NRIP3: variants seen among roughly 807,000 people sequenced by gnomAD.
NRIP3 encodes the protein nuclear receptor interacting protein 3, also known as nuclear receptor-interacting protein 3.
A neutral mutation model predicts 29.0 loss-of-function variants in NRIP3; 31 were observed. The observed-to-expected ratio is 1.07, with a 90% CI of 0.80 to 1.44. The LOEUF (loss-of-function observed/expected upper bound fraction) is 1.44, where lower values mean the gene tolerates loss of function less well. Ranked by LOEUF, NRIP3 falls within the 40% of genes most tolerant of loss-of-function variation. The pLI is 0.00. For synonymous variants in NRIP3, 131 were observed against 118.3 expected (o/e 1.11, Z -0.70); for missense variants, 314 against 297.9 (o/e 1.05, Z -0.40).
At position 8,987,531 on chromosome 11, in the gene NRIP3, C is replaced by T. The variant is rs1255445604; in HGVS notation, c.422+17G>A. On this transcript the variant is annotated intron_variant, in intron 3 of 6. Transcript: ENST00000309166. ...ACAGTCACATCTAAGTTCCACTCAGCACAAGTGCCTACTTACCCCAATCTG... is the reference window on the plus strand; with the variant it reads ...ACAGTCACATCTAAGTTCCACTCAGTACAAGTGCCTACTTACCCCAATCTG... The T allele has an allele frequency of 3.8e-6, 6 of 1,586,978 alleles. No individual in the cohort carries two copies. In the African/African-American group the frequency reaches 6.7e-5, roughly 18 times the overall value.
At chr11:8,984,414 C>T (rs1295448723) in intron 4 of NRIP3, among the ~76,000 whole-genome samples, 1 of 152,134 alleles carries the variant, frequency 6.6e-6, no homozygotes, top group Non-Finnish European at 1.5e-5. Flanking sequence ...CAGCACCCAC[C>T]ACCACGCTTG....
Position 8,982,893 on chromosome 11 carries a change from A to G in NRIP3, c.*652T>C, listed in dbSNP as rs1185796462. On this transcript the variant is annotated 3_prime_UTR_variant, in exon 7 of 7. Coordinates refer to ENST00000309166, the MANE Select transcript of NRIP3 (RefSeq NM_020645.3). ...CCTCCTGTTAAAGGCTTGAATACAA[A>G]TGAGGCAGCATGGGAGTCTTGGCTT... 6.7e-6 allele frequency: 3 copies of G among 450,264 alleles called. No homozygotes were observed. The highest frequency in any genetic ancestry group is 6.5e-4 in the Middle Eastern group (2 of 3,060). 27.9% of individuals were successfully genotyped at this position (450,264 alleles called of 1,614,324 possible).
At position 8,987,550 on chromosome 11, in the gene NRIP3, C is replaced by T; in HGVS notation, c.420G>A (p.Leu140=). 1 of 1,612,424 alleles carries T rather than the reference C, an allele frequency of 6.2e-7. No homozygotes were observed. Among genetic ancestry groups the T allele is most frequent in the Non-Finnish European group, 8.5e-7 (1 of 1,178,480 alleles). ...ACTCAGCACAAGTGCCTACTTACCCCAATCTGTCCACACAGGCCAAAGAGA... is the reference window on the plus strand; with the variant it reads ...ACTCAGCACAAGTGCCTACTTACCCTAATCTGTCCACACAGGCCAAAGAGA... ...NLISLACVDR[L]GLKEHVKSHK... is the part of the protein sequence containing the mutation. Residue 140 remains leucine, a splice_region_variant and synonymous_variant, in exon 3 of 7, where the codon TTG becomes TTA. Transcript: ENST00000309166.
chr11:9,004,267 C>A (rs1251192030), upstream of NRIP3: 3 of 197,184 alleles, frequency 1.5e-5, no homozygotes, highest in Non-Finnish European at 3.1e-5. Context: ...GGCCCCGCAT[C>A]CCCTGGACTG....
chr11:8,989,268 A>T (rs1295776898), intron 1 of NRIP3, among the ~76,000 whole-genome samples: 3 of 152,244 alleles, frequency 2.0e-5, no homozygotes, highest in Non-Finnish European at 4.4e-5. Flanking sequence ...TTGACTGGAG[A>T]AATTTGTATA....
rs1854406803 is a variant in NRIP3 at position 8,981,073 on chromosome 11, C to T, written c.*2472G>A. On this transcript the variant is annotated 3_prime_UTR_variant, in exon 7 of 7. Transcript: ENST00000309166. ...TAGGACTCCTGGGAAAAACTGACCT[C>T]ACCTTCTTACCTTCTCAGCCCCCAA... 6.6e-6 allele frequency: 1 copy of T among 152,222 alleles called. No homozygotes were observed. Among genetic ancestry groups the T allele is most frequent in the African/African-American group, 2.4e-5 (1 of 41,442 alleles). The allele number at this position is 152,222 out of a possible 1,614,324, so 9.4% of individuals were successfully genotyped here.
chr11:8,985,588 A>C, intron 4 of NRIP3, 123 bp downstream of exon 4: 1 of 1,282,250 alleles, frequency 7.8e-7, no homozygotes, highest in South Asian at 1.5e-5. Flanking sequence ...TCTACAGTAC[A>C]AAAAAATGGG....
At chr11:8,990,784 T>G (rs1854585822) in intron 1 of NRIP3, among the ~76,000 whole-genome samples, 2 of 151,956 alleles carry the variant, frequency 1.3e-5, no homozygotes, top group South Asian at 2.1e-4. Flanking sequence ...AGAGCAAGAC[T>G]TTATCTCAAA....
At chr11:8,985,172 T>A (rs1378151157) in intron 4 of NRIP3, among the ~76,000 whole-genome samples, 5 of 142,056 alleles carry the variant, frequency 3.5e-5, no homozygotes, top group African/African-American at 1.3e-4. Flanking sequence ...GAATTTTTTT[T>A]TTTTTTTTTT....
intron 1 of NRIP3, among the ~76,000 whole-genome samples, chr11:8,996,903 T>A (rs1030252637): frequency 1.3e-5 from 2 of 152,092 alleles, no homozygotes; most frequent in East Asian, 3.9e-4. Context: ...CAATTTTTTT[T>A]AATTAAAAAT....
At chr11:8,990,900 A>G (rs1342558636) in intron 1 of NRIP3, among the ~76,000 whole-genome samples, 1 of 152,252 alleles carries the variant, frequency 6.6e-6, no homozygotes, top group Non-Finnish European at 1.5e-5. Context: ...AATGACCATT[A>G]AATTTAGAAA....
Position 8,985,767 on chromosome 11 carries a change from T to C in NRIP3, c.506A>G (p.Glu169Gly). 6.2e-7 allele frequency: 1 copy of C among 1,614,158 alleles called. No individual in the cohort carries two copies. The highest frequency in any genetic ancestry group is 8.5e-7 in the Non-Finnish European group (1 of 1,180,024). The change falls in exon 4 of 7, where the codon GAG (glutamate) becomes GGG (glycine). Residue 169 changes from glutamate to glycine, a missense_variant. Physicochemically the swap from Glu to Gly is moderately conservative, Grantham distance 98 (BLOSUM62 -2). Coordinates refer to ENST00000309166, the MANE Select transcript of NRIP3 (RefSeq NM_020645.3). ...GGAGCCCAGTGTGATCACTAGGTGCTCAATCTGGCCCACTACTTTGAGATG... is the reference window on the plus strand; with the variant it reads ...GGAGCCCAGTGTGATCACTAGGTGCCCAATCTGGCCCACTACTTTGAGATG... ...PRHLKVVGQIEHLVITLGSLR... is the reference protein window; with the variant it reads ...PRHLKVVGQIGHLVITLGSLR...
At chr11:8,998,516 A>T (rs1854745962) in intron 1 of NRIP3, among the ~76,000 whole-genome samples, 1 of 152,204 alleles carries the variant, frequency 6.6e-6, no homozygotes, top group Admixed American at 6.5e-5. Context: ...CTCTAGAGGC[A>T]GCCTTCTCTC....
intron 1 of NRIP3, among the ~76,000 whole-genome samples, chr11:8,999,508 G>A (rs935026700): frequency 2.0e-5 from 3 of 152,030 alleles, no homozygotes; most frequent in Non-Finnish European, 4.4e-5. Flanking sequence ...TATTCCACTC[G>A]TTTCCAATCT....
chr11:8,987,804 G>T (rs886351747), intron 2 of NRIP3, among the ~76,000 whole-genome samples, 174 bp from the exon 3 acceptor site: 1 of 152,172 alleles, frequency 6.6e-6, no homozygotes, highest in Admixed American at 6.5e-5. Flanking sequence ...ACTGGCTCTT[G>T]TTCCTGCTGA....
chr11:8,989,468 G>T (rs551208868), intron 1 of NRIP3, among the ~76,000 whole-genome samples: 9 of 152,156 alleles, frequency 5.9e-5, no homozygotes, highest in Non-Finnish European at 1.3e-4. Context: ...CAAGGGGAGG[G>T]GCTGGCACTG....
rs1042250644 is a variant in NRIP3, at chr11:8,999,477, A to G, written c.174+4285T>C. 2.6e-5 allele frequency among the ~76,000 whole-genome samples: 4 copies of G among 152,216 alleles called. No homozygotes were observed. The East Asian group carries it at 7.7e-4, about 29-fold the overall frequency. ...TTTTGTAAAATAAGTCGTATGTATCATATCACCCCTCTGCTCAAAATATTC... is the reference window on the plus strand; with the variant it reads ...TTTTGTAAAATAAGTCGTATGTATCGTATCACCCCTCTGCTCAAAATATTC... On this transcript the variant is annotated intron_variant, in intron 1 of 6. Coordinates refer to ENST00000309166, the MANE Select transcript of NRIP3 (RefSeq NM_020645.3).
chr11:9,004,143 C>CCTGCCT, upstream of NRIP3: 1 of 406,166 alleles, frequency 2.5e-6, no homozygotes, highest in Non-Finnish European at 4.2e-6. Flanking sequence ...GTCCCGCGTC[C>CCTGCCT]CCTGCTCACC....
intron 1 of NRIP3, among the ~76,000 whole-genome samples, chr11:9,002,528 A>AAATTACACTGTGTAT (rs11273145): frequency 6.8e-6 from 1 of 147,688 alleles, no homozygotes; most frequent in African/African-American, 2.5e-5. Context: ...GGGAGGAGAA[A>AAATTACACTGTGTAT]AATTTTTGTA....
Sources: allele counts gnomAD v4.1 joint callset (sites outside exome capture counted in the v4.1 genomes callset), GRCh38; gene constraint gnomAD v4.1.1; transcripts MANE v1.5; gene names NCBI Gene and HGNC (gene_info 2026-07-23, HGNC 2026-07-21).